The following EXOC2 variants were observed in gnomAD, a reference collection of about 807,000 sequenced individuals.
The protein encoded by EXOC2 is SEC5-like 1.
In EXOC2, 70 loss-of-function variants were observed where a neutral mutation model predicts 131.8. That is an observed-to-expected ratio of 0.53 (90% CI 0.44 to 0.65). The LOEUF (loss-of-function observed/expected upper bound fraction) is 0.65, where lower values mean the gene tolerates loss of function less well. EXOC2 is among the 30% of genes least tolerant of loss of function. The pLI is 0.00. For missense variants in EXOC2, 923 were observed against 1,108.6 expected (o/e 0.83, Z 2.38); for synonymous variants, 411 against 398.4 (o/e 1.03, Z -0.38).
At position 532,500 on chromosome 6, in the gene EXOC2, A is replaced by G. The variant is rs1460024447; in HGVS notation, c.2349T>C (p.Tyr783=). 6.2e-7 allele frequency: 1 copy of G among 1,604,886 alleles called. No homozygotes were observed. The highest frequency in any genetic ancestry group is 1.1e-5 in the South Asian group (1 of 88,504). The part of the protein sequence containing the change: ...GSLEPGIYAG[Y]FDWKDCLPPT... ...GAGGCAGGCAGTCCTTCCAATCAAA[A>G]TATCCTGCATAAATTCCAGGTTCTA... Residue 783 remains tyrosine (Y), a synonymous_variant, in exon 23 of 28, where the codon TAT becomes TAC. Coordinates refer to ENST00000230449, the MANE Select transcript of EXOC2 (RefSeq NM_018303.6).
At chr6:517,420 T>TA (rs753244621) in intron 23 of EXOC2, among the ~76,000 whole-genome samples, 107 of 151,872 alleles carry the variant, frequency 7.0e-4, no homozygotes, top group Non-Finnish European at 1.3e-3. Flanking sequence ...AATCAAAAAA[T>TA]AAAAAAATAC....
intron 25 of EXOC2, 62 bp from the exon 26 acceptor site, chr6:491,248 T>C: frequency 1.9e-6 from 3 of 1,560,394 alleles, no homozygotes; most frequent in Non-Finnish European, 1.8e-6. Flanking sequence ...TATAAACAAG[T>C]ACTAAGGTTA....
intron 23 of EXOC2, among the ~76,000 whole-genome samples, chr6:510,014 A>G (rs1764755423): frequency 6.6e-6 from 1 of 152,162 alleles, no homozygotes; most frequent in Non-Finnish European, 1.5e-5. Flanking sequence ...AAACTGAAAC[A>G]CTACTGAAAA....
chr6:498,371 C>T (rs980771313), intron 24 of EXOC2, among the ~76,000 whole-genome samples: 4 of 152,144 alleles, frequency 2.6e-5, no homozygotes, highest in Non-Finnish European at 4.4e-5. Flanking sequence ...GCCCACCTAC[C>T]GAAGAAATGC....
At chr6:489,979 G>A (rs553147541) in intron 26 of EXOC2, among the ~76,000 whole-genome samples, 11 of 152,326 alleles carry the variant, frequency 7.2e-5, no homozygotes, top group Admixed American at 2.0e-4. Flanking sequence ...GTGGCTTGGC[G>A]CACTCGGGTC....
intron 1 of EXOC2, among the ~76,000 whole-genome samples, chr6:643,243 C>G (rs561792318): frequency 9.2e-5 from 14 of 152,294 alleles, no homozygotes; most frequent in Admixed American, 2.0e-4. Context: ...ATGAACAGCA[C>G]TGTTGGTCAT....
chr6:542,307 G>A (rs1756601449), intron 22 of EXOC2, among the ~76,000 whole-genome samples: 1 of 152,172 alleles, frequency 6.6e-6, no homozygotes, highest in Non-Finnish European at 1.5e-5. Context: ...TAAAAAGAAT[G>A]TACATCTAGA....
intron 2 of EXOC2, among the ~76,000 whole-genome samples, chr6:634,021 A>AG (rs1237564115): frequency 6.6e-6 from 1 of 152,046 alleles, no homozygotes; most frequent in Non-Finnish European, 1.5e-5. Context: ...ATATTTATGG[A>AG]GAAAAGAAAC....
In EXOC2 at chr6:486,489, T is replaced by C. The variant is rs910757787; in HGVS notation, c.*182A>G. 1.1e-5 allele frequency: 6 copies of C among 566,182 alleles called. No individual in the cohort carries two copies. The African/African-American group carries it at 1.1e-4, about 11-fold the overall frequency. The allele number at this position is 566,182 out of a possible 1,614,324, so 35.1% of individuals were successfully genotyped here. ...TAAGAATGGCAAAACAAATACTTCC[T>C]GGGCATTTCAAATGAGGTCATTTTG... On this transcript the variant is annotated 3_prime_UTR_variant, in exon 28 of 28. Transcript: ENST00000230449.
At chr6:674,434 T>G (rs1764016557) in intron 1 of EXOC2, among the ~76,000 whole-genome samples, 1 of 152,196 alleles carries the variant, frequency 6.6e-6, no homozygotes, top group Non-Finnish European at 1.5e-5. Flanking sequence ...AAAATTACCT[T>G]GTACTAAATA....
chr6:491,091 A>G (rs1763403207), intron 26 of EXOC2, 34 bp downstream of exon 26: 14 of 1,607,266 alleles, frequency 8.7e-6, no homozygotes, highest in Non-Finnish European at 1.1e-5. Context: ...TTTATTTTTA[A>G]TAGAGCACTC....
intron 1 of EXOC2, among the ~76,000 whole-genome samples, chr6:640,084 C>G (rs553438361): frequency 3.9e-5 from 6 of 152,182 alleles, no homozygotes; most frequent in African/African-American, 1.4e-4. Context: ...CAAAGCCCAT[C>G]TGGGCTCCAG....
In EXOC2 at chr6:598,081, A is replaced by T. The variant is rs1759918551; in HGVS notation, c.1013T>A (p.Leu338Ter). The change falls in exon 10 of 28, where the codon TTA (leucine) becomes TAA (stop). Residue 338 changes from leucine to a stop codon, truncating the protein, a stop_gained. Coordinates refer to ENST00000230449, the MANE Select transcript of EXOC2 (RefSeq NM_018303.6). LOFTEE classifies it high-confidence loss of function. Reference sequence around the variant, plus strand: ...TGTCTCAAGCAATTTATCCAGAAGTAATTCTCTTAAAGCTTCAATCCTTGT... The same window carrying T: ...TGTCTCAAGCAATTTATCCAGAAGTTATTCTCTTAAAGCTTCAATCCTTGT... ...VETRIEALRE[L>*]LLDKLLETPS... The T allele has an allele frequency of 6.2e-7, 1 of 1,613,686 alleles. No individual in the cohort carries two copies. Among genetic ancestry groups the T allele is most frequent in the Admixed American group, 1.7e-5 (1 of 59,980 alleles).
intron 1 of EXOC2, among the ~76,000 whole-genome samples, chr6:659,453 C>G (rs754531516): frequency 1.2e-4 from 19 of 152,174 alleles, no homozygotes; most frequent in Non-Finnish European, 2.9e-5. Context: ...CCCAGATAGA[C>G]TGCAAGAACA....
At chr6:658,450 CTTTG>C (rs1310217416) in intron 1 of EXOC2, among the ~76,000 whole-genome samples, 1 of 151,784 alleles carries the variant, frequency 6.6e-6, no homozygotes, top group Non-Finnish European at 1.5e-5. Flanking sequence ...ACTTAGACTT[CTTTG>C]TTTGCCGTCT....
rs73371998 is a variant in EXOC2 at position 625,002 on chromosome 6, C to T, written c.422+4833G>A. Among the ~76,000 whole-genome samples, 923 of 152,318 alleles carry T rather than the reference C, an allele frequency of 6.1e-3. 8 individuals are homozygous for T. Among genetic ancestry groups the T allele is most frequent in the African/African-American group, 0.021 (871 of 41,560 alleles). The stretch of plus-strand genomic sequence containing the variant: ...ACAGAGACCCTACTGTGTAAACTCA[C>T]GAAATGTTTTCATCGAGGAATCGAA... On this transcript the variant is annotated intron_variant, in intron 4 of 27. Coordinates refer to ENST00000230449, the MANE Select transcript of EXOC2 (RefSeq NM_018303.6).
chr6:592,396 T>C, intron 11 of EXOC2, 73 bp downstream of exon 11: 2 of 1,280,046 alleles, frequency 1.6e-6, no homozygotes, highest in South Asian at 2.5e-5. Context: ...AGTGCCTTCA[T>C]CATTAAACAT....
chr6:495,596 T>G (rs1214931277), intron 25 of EXOC2, among the ~76,000 whole-genome samples: 2 of 152,212 alleles, frequency 1.3e-5, no homozygotes, highest in Non-Finnish European at 2.9e-5. Context: ...TATGTTTAGC[T>G]TGAGAAGAAA....
At chr6:648,896 T>C (rs1168534758) in intron 1 of EXOC2, among the ~76,000 whole-genome samples, 1 of 151,486 alleles carries the variant, frequency 6.6e-6, no homozygotes, top group Non-Finnish European at 1.5e-5. Flanking sequence ...TAATTTTTGT[T>C]ATATTTTTTT....
Sources: gnomAD v4.1 joint callset for allele counts (sites outside exome capture counted in the v4.1 genomes callset) on GRCh38, gnomAD v4.1.1 for gene constraint, MANE v1.5 for transcripts, NCBI Gene and HGNC (gene_info 2026-07-23, HGNC 2026-07-21) for gene names.